RASA3: variants seen among roughly 807,000 people sequenced by gnomAD.
RASA3 encodes the protein RAS p21 protein activator 3.
In RASA3, 73 loss-of-function variants were observed where a neutral mutation model predicts 110.0. The ratio of observed to expected loss-of-function variants is 0.66; its 90% CI spans 0.55 to 0.81. The LOEUF is 0.81. Among genes scored for constraint, RASA3 ranks in the 30% least tolerant of loss-of-function variants. RASA3 has a pLI of 0.00. For synonymous variants in RASA3, 500 were observed against 451.4 expected, an observed-to-expected ratio of 1.11 and a Z score of -1.37; for missense variants, 976 against 1,113.2, an observed-to-expected ratio of 0.88 and a Z score of 1.75.
Position 114,030,554 on chromosome 13 carries a change from A to AGAG in RASA3, c.373-668_373-667insCTC, listed in dbSNP as rs1566502179. 5.5e-3 allele frequency among the ~76,000 whole-genome samples: 706 copies of AGAG among 128,524 alleles called. 38 individuals carry two copies. Among genetic ancestry groups the AGAG allele is most frequent in the African/African-American group, 0.018 (658 of 35,728 alleles). The allele number at this position is 128,524 out of a possible 152,430, so 84.3% of individuals were successfully genotyped here. On this transcript the variant is annotated intron_variant, in intron 4 of 23. Coordinates refer to ENST00000334062, the MANE Select transcript of RASA3 (RefSeq NM_007368.4). ...CACACAGAGGGCAAGACTCACACAG[A>AGAG]CAGCAAGGCTCACGGGGGCTTCTAG...
intron 14 of RASA3, among the ~76,000 whole-genome samples, 176 bp from the exon 15 acceptor site, chr13:114,013,424 CCTCT>C (rs1224569246): frequency 5.2e-5 from 7 of 135,064 alleles, no homozygotes; most frequent in Non-Finnish European, 9.6e-5. Flanking sequence ...TCTCTGTTTC[CCTCT>C]CTCTCTCCAT....
intron 21 of RASA3, among the ~76,000 whole-genome samples, chr13:113,995,678 A>AC (rs2053218786): frequency 2.4e-5 from 2 of 82,494 alleles, no homozygotes; most frequent in Non-Finnish European, 4.9e-5. Flanking sequence ...GACCCAGCTG[A>AC]TGGGGGCCCG....
chr13:113,993,778 A>C (rs928965406), intron 21 of RASA3, among the ~76,000 whole-genome samples: 1 of 142,050 alleles, frequency 7.0e-6, no homozygotes, highest in African/African-American at 2.7e-5. Flanking sequence ...ACTGCACTTC[A>C]GCCTGGGCAA....
At chr13:114,098,864 A>C (rs1765588189) in intron 1 of RASA3, among the ~76,000 whole-genome samples, 1 of 152,188 alleles carries the variant, frequency 6.6e-6, no homozygotes, top group South Asian at 2.1e-4. Flanking sequence ...CCTTTGCTTC[A>C]GCAGCACAAG....
At chr13:114,053,212 T>C (rs1328762261) in intron 2 of RASA3, among the ~76,000 whole-genome samples, 1 of 152,260 alleles carries the variant, frequency 6.6e-6, no homozygotes, top group Non-Finnish European at 1.5e-5. Flanking sequence ...CTGACTGTGC[T>C]TACAGAGTGC....
chr13:114,037,781 G>A (rs1446683499), intron 4 of RASA3, among the ~76,000 whole-genome samples: 3 of 152,332 alleles, frequency 2.0e-5, no homozygotes, highest in East Asian at 3.9e-4. Flanking sequence ...GATAACATCC[G>A]TGGACTGCAC....
chr13:114,040,786 G>A (rs536963530), intron 4 of RASA3, among the ~76,000 whole-genome samples: 11 of 147,686 alleles, frequency 7.4e-5, no homozygotes, highest in East Asian at 2.0e-4. Context: ...CGCTCACTCC[G>A]AGCACAAGCA....
intron 1 of RASA3, among the ~76,000 whole-genome samples, chr13:114,110,891 G>A (rs1347383832): frequency 1.3e-5 from 2 of 152,200 alleles, no homozygotes; most frequent in African/African-American, 4.8e-5. Context: ...GGGGGCAGCA[G>A]AGTGAGGGTC....
chr13:114,050,563 A>G (rs545278863), intron 3 of RASA3, among the ~76,000 whole-genome samples: 1 of 152,350 alleles, frequency 6.6e-6, no homozygotes, highest in East Asian at 1.9e-4. Flanking sequence ...GGCCTTATCA[A>G]TGCCAGGTGA....
At chr13:114,030,739 C>T (rs554580377) in intron 4 of RASA3, among the ~76,000 whole-genome samples, 6 of 150,936 alleles carry the variant, frequency 4.0e-5, no homozygotes, top group African/African-American at 7.3e-5. Flanking sequence ...TGTGTGCGTG[C>T]GGTTTGTGTG....
chr13:114,055,688 C>T (rs986978654), intron 2 of RASA3, among the ~76,000 whole-genome samples: 1 of 152,188 alleles, frequency 6.6e-6, no homozygotes, highest in Non-Finnish European at 1.5e-5. Context: ...GGCAGGAAGC[C>T]GTGGTGTTTG....
chr13:114,122,700 G>A (rs1338204649), intron 1 of RASA3, among the ~76,000 whole-genome samples: 1 of 136,604 alleles, frequency 7.3e-6, no homozygotes, highest in African/African-American at 2.8e-5. Flanking sequence ...GAACCAGTGG[G>A]GCCTCCACAC....
rs1366585497 is a variant in RASA3 at position 114,114,516 on chromosome 13, T to C, written c.55+17919A>G. ...GAGGTCTGACCACAAAAGCTACCCATTCACTTGCTAAATGGTGCAAAATGG... is the reference window on the plus strand; with the variant it reads ...GAGGTCTGACCACAAAAGCTACCCACTCACTTGCTAAATGGTGCAAAATGG... On this transcript the variant is annotated intron_variant, in intron 1 of 23. Coordinates refer to ENST00000334062, the MANE Select transcript of RASA3 (RefSeq NM_007368.4). The surrounding 1 kb of genome is among the most constrained non-coding windows in gnomAD (Gnocchi z 4.8). Among the ~76,000 whole-genome samples the C allele has an allele frequency of 1.3e-5, 2 of 152,198 alleles. No individual in the cohort carries two copies. The highest frequency in any genetic ancestry group is 6.5e-5 in the Admixed American group (1 of 15,272).
intron 3 of RASA3, among the ~76,000 whole-genome samples, chr13:114,042,051 T>C (rs1448853939): frequency 6.6e-6 from 1 of 152,280 alleles, no homozygotes; most frequent in Admixed American, 6.5e-5. Flanking sequence ...CGTATCAGAA[T>C]ATATTTGTAC....
At chr13:113,997,797 C>T (rs1283067571) in intron 20 of RASA3, among the ~76,000 whole-genome samples, 1 of 152,158 alleles carries the variant, frequency 6.6e-6, no homozygotes, top group African/African-American at 2.4e-5. Context: ...GGGGACGGGC[C>T]TTCTGCACTC....
chr13:114,069,967 G>A (rs1164065985), intron 2 of RASA3, among the ~76,000 whole-genome samples: 16 of 67,796 alleles, frequency 2.4e-4, no homozygotes, highest in African/African-American at 9.1e-4. Flanking sequence ...TCAGGGAGCC[G>A]GGAGACTTGG....
At chr13:114,036,661 C>T (rs558014314) in intron 4 of RASA3, among the ~76,000 whole-genome samples, 10 of 152,316 alleles carry the variant, frequency 6.6e-5, no homozygotes, top group South Asian at 4.1e-4. Context: ...CCTCAACCTC[C>T]GGAGTAGCTG....
chr13:114,079,556 A>C (rs2079747681), intron 1 of RASA3, among the ~76,000 whole-genome samples: 1 of 152,208 alleles, frequency 6.6e-6, no homozygotes, highest in South Asian at 2.1e-4. Flanking sequence ...TATCTGAATA[A>C]AGGATGAAGA....
chr13:114,070,803 G>A (rs113591491), intron 2 of RASA3, among the ~76,000 whole-genome samples: 7,301 of 98,612 alleles, frequency 0.074, no homozygotes, highest in East Asian at 0.12. Flanking sequence ...GCTAAACGGC[G>A]CCACAGTCTT....
Sources: gnomAD v4.1 joint callset for allele counts (sites outside exome capture counted in the v4.1 genomes callset) on GRCh38, gnomAD v4.1.1 for gene constraint, Gnocchi (gnomAD v3.1) non-coding constraint, MANE v1.5 for transcripts, NCBI Gene and HGNC (gene_info 2026-07-23, HGNC 2026-07-21) for gene names.